KLHDC10: variants seen among roughly 807,000 people sequenced by gnomAD.
The protein encoded by KLHDC10 is kelch domain-containing protein 10.
In KLHDC10, 24 loss-of-function variants were observed where a neutral mutation model predicts 56.1. The observed-to-expected ratio is 0.43, with a 90% CI of 0.31 to 0.60. KLHDC10 has a LOEUF of 0.60. Among genes scored for constraint, KLHDC10 ranks in the 20% least tolerant of loss-of-function variants. The probability of loss-of-function intolerance (pLI) is 0.11; values close to 1 mark genes in which losing one functional copy is unlikely to be tolerated. For missense variants in KLHDC10, 349 were observed against 567.0 expected (o/e 0.62, Z 3.91); for synonymous variants, 188 against 207.1 (o/e 0.91, Z 0.79).
chr7:130,076,316 C>T (rs756689592), intron 1 of KLHDC10, among the ~76,000 whole-genome samples: 15 of 152,058 alleles, frequency 9.9e-5, no homozygotes, highest in South Asian at 6.2e-4. Context: ...CTGGGGCTTG[C>T]GGACCCCTGG....
At chr7:130,079,282 T>C (rs1795564771) in intron 1 of KLHDC10, among the ~76,000 whole-genome samples, 1 of 152,186 alleles carries the variant, frequency 6.6e-6, no homozygotes, top group South Asian at 2.1e-4. Flanking sequence ...GGTCTTGAAC[T>C]CTTGACCTCA....
chr7:130,083,909 C>T (rs909031954), intron 1 of KLHDC10, among the ~76,000 whole-genome samples: 18 of 152,150 alleles, frequency 1.2e-4, no homozygotes, highest in East Asian at 5.8e-4. Flanking sequence ...CATCCTTAGT[C>T]GTCTTTGTCA....
intron 2 of KLHDC10, among the ~76,000 whole-genome samples, chr7:130,106,165 AAAT>A (rs1434140545): frequency 6.6e-6 from 1 of 152,162 alleles, no homozygotes; most frequent in African/African-American, 2.4e-5. Context: ...TAAATAAAAT[AAAT>A]AATAATCTGT....
At chr7:130,076,548 C>G (rs921297708) in intron 1 of KLHDC10, among the ~76,000 whole-genome samples, 13 of 152,036 alleles carry the variant, frequency 8.6e-5, no homozygotes, top group African/African-American at 3.1e-4. Context: ...ATTTCTAATT[C>G]AAATTAAATA....
chr7:130,129,301 C>A, intron 8 of KLHDC10, 136 bp from the exon 9 acceptor site: 1 of 877,926 alleles, frequency 1.1e-6, no homozygotes. Flanking sequence ...AGAGGCTGCA[C>A]AGCAGAAGTC....
rs558375682 is a variant in KLHDC10, at chr7:130,108,504, G to A, written c.254-7941G>A. ...GATCGCTTAAACTCAGGAGTTAGCCGCCTCAAGACCAGCCTGGGCAACGAG... is the reference window on the plus strand; with the variant it reads ...GATCGCTTAAACTCAGGAGTTAGCCACCTCAAGACCAGCCTGGGCAACGAG... On this transcript the variant is annotated intron_variant, in intron 2 of 9. Transcript: ENST00000335420. 6.3e-5 allele frequency among the ~76,000 whole-genome samples: 9 copies of A among 143,600 alleles called. No homozygotes were observed. The East Asian group carries it at 1.9e-3, about 30-fold the overall frequency. The allele number at this position is 143,600 out of a possible 152,430, so 94.2% of individuals were successfully genotyped here. A position where few individuals can be genotyped will look rare whatever the true frequency, so the allele number is the denominator to read the frequency against.
chr7:130,111,545 C>T (rs1554466484), intron 2 of KLHDC10, among the ~76,000 whole-genome samples: 1 of 151,590 alleles, frequency 6.6e-6, no homozygotes, highest in Non-Finnish European at 1.5e-5. Context: ...CTCATCTCTA[C>T]AAAAAAAATA....
chr7:130,106,337 G>A (rs1194493161), intron 2 of KLHDC10, among the ~76,000 whole-genome samples: 3 of 152,036 alleles, frequency 2.0e-5, no homozygotes, highest in Non-Finnish European at 2.9e-5. Context: ...AAAAATAAAA[G>A]TTTGTTTTTC....
At chr7:130,114,578 A>ACACTT (rs1796142388) in intron 2 of KLHDC10, among the ~76,000 whole-genome samples, 1 of 152,100 alleles carries the variant, frequency 6.6e-6, no homozygotes, top group Admixed American at 6.6e-5. Context: ...CTTCCACACC[A>ACACTT]CACTTTCTGT....
chr7:130,092,441 T>A (rs542785999), intron 1 of KLHDC10, among the ~76,000 whole-genome samples: 1 of 152,346 alleles, frequency 6.6e-6, no homozygotes, highest in East Asian at 1.9e-4. Flanking sequence ...GAGTCCTAGT[T>A]AGCCTTGCTG....
chr7:130,130,829 A>G lies in KLHDC10; in HGVS notation c.*83A>G. The G allele has an allele frequency of 7.4e-7, 1 of 1,353,468 alleles. No homozygotes were observed. Among genetic ancestry groups the G allele is most frequent in the African/African-American group, 1.4e-5 (1 of 69,684 alleles). 83.8% of individuals were successfully genotyped at this position (1,353,468 alleles called of 1,614,324 possible). ...TATGGGCAGTGTAGAATGTGCTACA[A>G]AGAGGATTGGTTACCCTGATCAAGG... On this transcript the variant is annotated 3_prime_UTR_variant, in exon 10 of 10. Transcript: ENST00000335420. This position sits in a 1 kb window ranked among gnomAD's most constrained non-coding sequence, Gnocchi z 4.2.
intron 1 of KLHDC10, among the ~76,000 whole-genome samples, chr7:130,088,482 G>T (rs776380666): frequency 6.6e-6 from 1 of 151,568 alleles, no homozygotes; most frequent in Admixed American, 6.6e-5. Context: ...TACCATGTTG[G>T]CCAGGCTGGT....
chr7:130,110,037 G>A (rs1038168774), intron 2 of KLHDC10, among the ~76,000 whole-genome samples: 3 of 152,166 alleles, frequency 2.0e-5, no homozygotes, highest in Non-Finnish European at 2.9e-5. Flanking sequence ...GTTTCTCAGC[G>A]TTTGTCTTTT....
At chr7:130,128,991 G>GA (rs1009876100) in intron 8 of KLHDC10, among the ~76,000 whole-genome samples, 1 of 144,850 alleles carries the variant, frequency 6.9e-6, no homozygotes, top group Non-Finnish European at 1.5e-5. Flanking sequence ...AACTTGCCTT[G>GA]AAAAAAATGG....
At chr7:130,077,370 A>AAC (rs1795522718) in intron 1 of KLHDC10, among the ~76,000 whole-genome samples, 1 of 148,366 alleles carries the variant, frequency 6.7e-6, no homozygotes, top group South Asian at 2.1e-4. Context: ...AAAAAAAAAA[A>AAC]AAAAAAAAAA....
intron 2 of KLHDC10, among the ~76,000 whole-genome samples, chr7:130,114,002 C>T (rs1205850142): frequency 2.0e-5 from 3 of 152,124 alleles, no homozygotes; most frequent in Admixed American, 6.6e-5. Context: ...ATCCAACACC[C>T]GTGCCTTAAA....
chr7:130,113,105 T>G (rs1796122920), intron 2 of KLHDC10, among the ~76,000 whole-genome samples: 1 of 152,204 alleles, frequency 6.6e-6, no homozygotes, highest in South Asian at 2.1e-4. Flanking sequence ...TTTTGGGTAC[T>G]AAGTCTTTGA....
chr7:130,075,713 G>A (rs1795488642), intron 1 of KLHDC10, among the ~76,000 whole-genome samples: 1 of 152,126 alleles, frequency 6.6e-6, no homozygotes, highest in Admixed American at 6.6e-5. Flanking sequence ...AAGGATTTAT[G>A]TTTACTGCTT....
At chr7:130,111,677 G>A (rs1796103201) in intron 2 of KLHDC10, among the ~76,000 whole-genome samples, 1 of 152,106 alleles carries the variant, frequency 6.6e-6, no homozygotes, top group South Asian at 2.1e-4. Flanking sequence ...TGCTACCACA[G>A]GTAGGTCTCA....
Sources: allele counts gnomAD v4.1 joint callset (sites outside exome capture counted in the v4.1 genomes callset), GRCh38; gene constraint gnomAD v4.1.1; non-coding constraint Gnocchi (gnomAD v3.1); transcripts MANE v1.5; gene names NCBI Gene and HGNC (gene_info 2026-07-23, HGNC 2026-07-21).